The following BEND7 variants were observed in gnomAD, a reference collection of about 807,000 sequenced individuals.
The protein encoded by BEND7 is BEN domain containing 7.
A neutral mutation model predicts 50.9 loss-of-function variants in BEND7; 28 were observed. The observed-to-expected ratio is 0.55, with a 90% CI of 0.41 to 0.75. BEND7 has a LOEUF of 0.75. BEND7 is among the 30% of genes least tolerant of loss of function. The pLI, the probability that BEND7 is intolerant of heterozygous loss-of-function variation, is 0.00. For missense variants in BEND7, 477 were observed against 491.3 expected (o/e 0.97, Z 0.28); for synonymous variants, 170 against 183.9 (o/e 0.92, Z 0.61).
chr10:13,488,787 T>C (rs1226292900), intron 5 of BEND7, among the ~76,000 whole-genome samples: 8 of 152,200 alleles, frequency 5.3e-5, no homozygotes, highest in Admixed American at 5.2e-4. Context: ...GCGCCCGGCC[T>C]AAATACTGTA....
intron 6 of BEND7, among the ~76,000 whole-genome samples, chr10:13,467,234 C>T (rs998931395): frequency 6.6e-6 from 1 of 152,192 alleles, no homozygotes; most frequent in East Asian, 1.9e-4. Context: ...ATCTGATCCT[C>T]ACTCTTTCAG....
intron 1 of BEND7, chr10:13,527,895 CTTTTTTT>C (rs1034944391): frequency 1.0e-6 from 1 of 963,166 alleles, no homozygotes; most frequent in Non-Finnish European, 1.2e-6. Flanking sequence ...TTTCTTTTTT[CTTTTTTT>C]TAAAGGATGC....
chr10:13,448,972 C>CAAAA (rs35336154), intron 7 of BEND7, among the ~76,000 whole-genome samples: 1 of 56,660 alleles, frequency 1.8e-5, no homozygotes, highest in African/African-American at 6.4e-5. Flanking sequence ...GACTCCATCT[C>CAAAA]AAAAAAAAAA....
intron 6 of BEND7, among the ~76,000 whole-genome samples, chr10:13,477,553 C>A (rs2075545005): frequency 6.6e-6 from 1 of 152,166 alleles, no homozygotes; most frequent in Non-Finnish European, 1.5e-5. Context: ...CTGAAAATCG[C>A]TTCGTATTGT....
chr10:13,515,609 A>C (rs1242234191), intron 2 of BEND7, among the ~76,000 whole-genome samples: 1 of 152,218 alleles, frequency 6.6e-6, no homozygotes, highest in Non-Finnish European at 1.5e-5. Context: ...TTTGTAGAGA[A>C]ATGAGGCACA....
chr10:13,515,062 C>T (rs1034421691), intron 2 of BEND7, among the ~76,000 whole-genome samples: 1 of 152,170 alleles, frequency 6.6e-6, no homozygotes, highest in Non-Finnish European at 1.5e-5. Flanking sequence ...ACTTATGTAG[C>T]GTTCCACTGT....
Position 13,528,823 on chromosome 10 carries a change from C to G in BEND7, c.-290G>C, listed in dbSNP as rs1190249170. On this transcript the variant is annotated 5_prime_UTR_variant, in exon 1 of 9. Transcript: ENST00000466271. ...CCCCCGCGGCCCCCGCTCATGCCGG[C>G]CCGCGGGTTCCAGACGCCGCCCGCC... The G allele has an allele frequency of 6.9e-6, 1 of 145,022 alleles. No homozygotes were observed. Among genetic ancestry groups the G allele is most frequent in the Non-Finnish European group, 1.5e-5 (1 of 65,352 alleles). 9.0% of individuals were successfully genotyped at this position (145,022 alleles called of 1,614,324 possible).
At chr10:13,509,747 G>C (rs1456845604) in intron 2 of BEND7, among the ~76,000 whole-genome samples, 1 of 152,160 alleles carries the variant, frequency 6.6e-6, no homozygotes, top group Non-Finnish European at 1.5e-5. Flanking sequence ...AAGTGAAGTG[G>C]GCAATGGCGA....
intron 5 of BEND7, among the ~76,000 whole-genome samples, chr10:13,492,389 C>T (rs761172663): frequency 3.9e-4 from 59 of 152,336 alleles, no homozygotes; most frequent in Middle Eastern, 6.8e-3. Flanking sequence ...CATCACCCTC[C>T]TCCTTTCGGA....
rs368802257 is a variant in BEND7, at chr10:13,475,840, C to T, written c.1063+5059G>A. On this transcript the variant is annotated intron_variant, in intron 6 of 8. Transcript: ENST00000466271. ...GAGTCAGACAGGCCTTGGGTGAAGT[C>T]CTGATTCCACCATTTACTGGTGTTT... Among the ~76,000 whole-genome samples, 9 of 152,250 alleles carry T rather than the reference C, an allele frequency of 5.9e-5. No individual in the cohort carries two copies. The East Asian group carries it at 1.4e-3, about 23-fold the overall frequency.
At chr10:13,455,183 C>A (rs1318257828) in intron 6 of BEND7, among the ~76,000 whole-genome samples, 7 of 151,868 alleles carry the variant, frequency 4.6e-5, no homozygotes, top group South Asian at 2.1e-4. Flanking sequence ...AACAAACACA[C>A]AACAAAACAA....
At chr10:13,447,403 C>T in intron 7 of BEND7, 87 bp from the exon 8 acceptor site, 1 of 1,340,122 alleles carries the variant, frequency 7.5e-7, no homozygotes, top group Non-Finnish European at 1.1e-6. Flanking sequence ...ATTTTAAAAA[C>T]TCCAGTATAC....
intron 2 of BEND7, among the ~76,000 whole-genome samples, chr10:13,519,651 A>G (rs1239432838): frequency 1.3e-5 from 2 of 152,264 alleles, no homozygotes; most frequent in Non-Finnish European, 2.9e-5. Context: ...ACAGAAGATG[A>G]GGAAAACCCC....
intron 2 of BEND7, among the ~76,000 whole-genome samples, chr10:13,517,860 G>A (rs1035315660): frequency 2.6e-5 from 4 of 152,264 alleles, no homozygotes; most frequent in Non-Finnish European, 5.9e-5. Context: ...TCTGCCCTTC[G>A]CCAGCCCCGC....
At chr10:13,500,665 C>G in intron 2 of BEND7, 1 of 985,842 alleles carries the variant, frequency 1.0e-6, no homozygotes, top group Non-Finnish European at 1.2e-6. Context: ...GACACGCTGC[C>G]GCTGGAGACA....
intron 5 of BEND7, among the ~76,000 whole-genome samples, chr10:13,487,357 T>C (rs1179345542): frequency 1.3e-5 from 2 of 151,328 alleles, no homozygotes; most frequent in Admixed American, 6.6e-5. Context: ...CTCTCAGGCA[T>C]ACATGGCCTC....
chr10:13,465,807 G>T (rs1450009104), intron 6 of BEND7, among the ~76,000 whole-genome samples: 1 of 152,092 alleles, frequency 6.6e-6, no homozygotes, highest in Non-Finnish European at 1.5e-5. Context: ...ACACTGGTGG[G>T]ACTCTGAGGC....
At chr10:13,515,584 T>C (rs1275239565) in intron 2 of BEND7, among the ~76,000 whole-genome samples, 1 of 152,220 alleles carries the variant, frequency 6.6e-6, no homozygotes, top group Non-Finnish European at 1.5e-5. Context: ...GAAATATGCG[T>C]GCAATAAGCT....
intron 2 of BEND7, among the ~76,000 whole-genome samples, chr10:13,506,597 T>C (rs771978900): frequency 1.3e-5 from 2 of 152,162 alleles, no homozygotes; most frequent in African/African-American, 4.8e-5. Flanking sequence ...TCTCTTTTCA[T>C]ATAAGGATAG....
Sources: gnomAD v4.1 joint callset for allele counts (sites outside exome capture counted in the v4.1 genomes callset) on GRCh38, gnomAD v4.1.1 for gene constraint, MANE v1.5 for transcripts, NCBI Gene and HGNC (gene_info 2026-07-23, HGNC 2026-07-21) for gene names.